Variants in BTG4 observed in about 807,000 individuals in gnomAD.
BTG4 encodes the protein protein BTG4.
A neutral mutation model predicts 19.3 loss-of-function variants in BTG4; 10 were observed. The observed-to-expected ratio is 0.52, with a 90% CI of 0.32 to 0.88. The LOEUF is 0.88. Among genes scored for constraint, BTG4 ranks in the 40% least tolerant of loss-of-function variants. The probability of loss-of-function intolerance (pLI) is 0.04; values close to 1 mark genes in which losing one functional copy is unlikely to be tolerated. For synonymous variants in BTG4, 91 were observed against 95.7 expected, an observed-to-expected ratio of 0.95 and a Z score of 0.29; for missense variants, 238 against 281.9, an observed-to-expected ratio of 0.84 and a Z score of 1.11.
At chr11:111,429,664 A>G in the BTG4 span, among the ~76,000 whole-genome samples, 4 of 152,234 alleles carry the variant, frequency 2.6e-5, no homozygotes, top group Non-Finnish European at 5.9e-5. Flanking sequence ...AAAAGGTAGT[A>G]AACTCCCAAA....
At chr11:111,404,770 G>A in the BTG4 span, 1 of 418,676 alleles carries the variant, frequency 2.4e-6, no homozygotes, top group Non-Finnish European at 4.8e-6. Flanking sequence ...TGAAAACTTG[G>A]AGCTTTGATA....
At chr11:111,471,232 A>T (rs1419550528) in intron 5 of BTG4, among the ~76,000 whole-genome samples, 1 of 152,218 alleles carries the variant, frequency 6.6e-6, no homozygotes, top group Non-Finnish European at 1.5e-5. Context: ...AGCTATTTGT[A>T]GTGGTGGATC....
chr11:111,435,088 G>A, the BTG4 span: 2 of 152,264 alleles, frequency 1.3e-5, no homozygotes, highest in Non-Finnish European at 2.9e-5. Flanking sequence ...CCAGAACTCT[G>A]AAGTGTAGCA....
the BTG4 span, among the ~76,000 whole-genome samples, chr11:111,423,229 G>C: frequency 2.0e-5 from 3 of 152,128 alleles, no homozygotes; most frequent in East Asian, 5.8e-4. Flanking sequence ...TGTGGTGGCG[G>C]GCCCGGGAGA....
At chr11:111,410,187 T>C in the BTG4 span, among the ~76,000 whole-genome samples, 3 of 151,956 alleles carry the variant, frequency 2.0e-5, no homozygotes, top group East Asian at 3.9e-4. Context: ...GAAACTCTTT[T>C]TTTTTTTATA....
intron 5 of BTG4, among the ~76,000 whole-genome samples, chr11:111,480,985 G>A (rs1417143371): frequency 6.6e-6 from 1 of 151,516 alleles, no homozygotes; most frequent in East Asian, 1.9e-4. Flanking sequence ...AAAAAACACA[G>A]TAAAGCAAAG....
the BTG4 span, among the ~76,000 whole-genome samples, chr11:111,411,691 G>A: frequency 0.039 from 5,949 of 152,250 alleles, 128 homozygotes; most frequent in Middle Eastern, 0.14. Flanking sequence ...AGATGATACC[G>A]TTGCTGCTGG....
intron 1 of BTG4, among the ~76,000 whole-genome samples, chr11:111,503,711 T>C (rs10488783): frequency 0.027 from 4,095 of 152,214 alleles, 90 homozygotes; most frequent in Middle Eastern, 0.085. Context: ...TATTTCCTAT[T>C]ATGCCTGTAA....
At chr11:111,387,864 C>T in the BTG4 span, among the ~76,000 whole-genome samples, 1 of 152,146 alleles carries the variant, frequency 6.6e-6, no homozygotes, top group African/African-American at 2.4e-5. Flanking sequence ...TGTGGTCTGT[C>T]CAAGGCACAG....
the BTG4 span, among the ~76,000 whole-genome samples, chr11:111,399,680 A>T: frequency 6.6e-6 from 1 of 152,124 alleles, no homozygotes; most frequent in Non-Finnish European, 1.5e-5. Context: ...AAGGGAATTG[A>T]TCTCCTTGTT....
intron 1 of BTG4, among the ~76,000 whole-genome samples, chr11:111,505,222 C>A (rs1866366519): frequency 6.6e-6 from 1 of 152,012 alleles, no homozygotes. Context: ...AATTATACTA[C>A]AAGGCTATAG....
the BTG4 span, among the ~76,000 whole-genome samples, chr11:111,430,472 A>G: frequency 6.6e-6 from 1 of 152,250 alleles, no homozygotes; most frequent in Non-Finnish European, 1.5e-5. Flanking sequence ...CAAGCCTCAG[A>G]GGGATGACTG....
rs138016333 is a variant in BTG4 at position 111,505,062 on chromosome 11, A to C, written c.-26-6260T>G. Among the ~76,000 whole-genome samples, 591 of 152,158 alleles carry C rather than the reference A, an allele frequency of 3.9e-3. 5 individuals are homozygous for C. The highest frequency in any genetic ancestry group is 0.013 in the African/African-American group (549 of 41,558). ...TATTACCCAAGCAATCTACAGATTC[A>C]ATGCAATCCCTATCCAATTACCAGC... On this transcript the variant is annotated intron_variant, in intron 1 of 4. Transcript: ENST00000692032.
At chr11:111,420,232 T>C in the BTG4 span, among the ~76,000 whole-genome samples, 1 of 152,234 alleles carries the variant, frequency 6.6e-6, no homozygotes, top group Non-Finnish European at 1.5e-5. Context: ...CAGGAGATAT[T>C]AAAGTTTCCT....
At chr11:111,464,245 C>T (rs770989006), downstream of BTG4, among the ~76,000 whole-genome samples, 3 of 152,112 alleles carry the variant, frequency 2.0e-5, no homozygotes, top group African/African-American at 4.8e-5. Context: ...GTGATCAGCC[C>T]GCCTCAGCCT....
At chr11:111,413,946 C>T in the BTG4 span, among the ~76,000 whole-genome samples, 1 of 152,188 alleles carries the variant, frequency 6.6e-6, no homozygotes, top group African/African-American at 2.4e-5. Flanking sequence ...CCACGCTGCC[C>T]TATCTAAGAC....
chr11:111,441,772 AG>A, the BTG4 span, among the ~76,000 whole-genome samples: 1 of 152,198 alleles, frequency 6.6e-6, no homozygotes, highest in East Asian at 1.9e-4. Flanking sequence ...AAGCAAAGCG[AG>A]TTGGGCCGGG....
the BTG4 span, among the ~76,000 whole-genome samples, chr11:111,395,326 G>A: frequency 2.0e-5 from 3 of 152,226 alleles, no homozygotes; most frequent in Non-Finnish European, 4.4e-5. Context: ...CCCTCAGGCA[G>A]CACTCACACT....
At chr11:111,425,662 A>C in the BTG4 span, among the ~76,000 whole-genome samples, 1 of 152,214 alleles carries the variant, frequency 6.6e-6, no homozygotes, top group Non-Finnish European at 1.5e-5. Flanking sequence ...GAAGAAAAAT[A>C]GGGTATGAAT....
Sources: gnomAD v4.1 joint callset for allele counts (sites outside exome capture counted in the v4.1 genomes callset) on GRCh38, gnomAD v4.1.1 for gene constraint, MANE v1.5 for transcripts, NCBI Gene and HGNC (gene_info 2026-07-23, HGNC 2026-07-21) for gene names.